SORCS3: variants seen among roughly 807,000 people sequenced by gnomAD.
SORCS3 encodes VPS10 domain-containing receptor SorCS3.
Under a neutral mutation model 146.3 loss-of-function variants are expected in SORCS3, and 57 were observed. That is an observed-to-expected ratio of 0.39 (90% CI 0.31 to 0.49). The LOEUF (loss-of-function observed/expected upper bound fraction) is 0.49. Ranked by LOEUF, SORCS3 falls within the 20% of genes least tolerant of loss-of-function variation. SORCS3 has a pLI of 0.92. For missense variants in SORCS3, 1,341 were observed against 1,575.5 expected (o/e 0.85, Z 2.52); for synonymous variants, 653 against 618.5 (o/e 1.06, Z -0.83).
chr10:105,258,076 C>T (rs779442454), intron 25 of SORCS3, among the ~76,000 whole-genome samples: 14 of 152,132 alleles, frequency 9.2e-5, no homozygotes, highest in Non-Finnish European at 1.8e-4. Context: ...TCCTGCTTAT[C>T]TCTCCTTTAG....
intron 5 of SORCS3, among the ~76,000 whole-genome samples, chr10:105,084,574 T>TA (rs752053286): frequency 2.2e-4 from 34 of 152,198 alleles, no homozygotes; most frequent in Non-Finnish European, 4.7e-4. Flanking sequence ...GGTGAGTTGT[T>TA]ATGGTTCTAA....
At chr10:105,194,764 C>T (rs1277231530) in intron 14 of SORCS3, among the ~76,000 whole-genome samples, 1 of 152,142 alleles carries the variant, frequency 6.6e-6, no homozygotes, top group Admixed American at 6.6e-5. Context: ...ACCAAAGATA[C>T]AGGAAATTTC....
chr10:105,116,967 G>T (rs1049196691), intron 7 of SORCS3, among the ~76,000 whole-genome samples: 21 of 151,730 alleles, frequency 1.4e-4, no homozygotes, highest in Admixed American at 2.6e-4. Context: ...AAAATAATCT[G>T]TACACCAAAT....
chr10:105,130,798 C>T (rs2056013160), intron 7 of SORCS3, among the ~76,000 whole-genome samples: 1 of 152,104 alleles, frequency 6.6e-6, no homozygotes, highest in African/African-American at 2.4e-5. Context: ...ATTGCAGAGC[C>T]TCAAGGACAT....
At chr10:104,911,622 A>C (rs2133597155) in intron 2 of SORCS3, among the ~76,000 whole-genome samples, 1 of 152,342 alleles carries the variant, frequency 6.6e-6, no homozygotes, top group South Asian at 2.1e-4. Context: ...AAAACAACTT[A>C]GCATTGTGTT....
intron 2 of SORCS3, among the ~76,000 whole-genome samples, chr10:104,895,707 C>G (rs546316845): frequency 3.9e-5 from 6 of 152,326 alleles, no homozygotes; most frequent in African/African-American, 1.4e-4. Flanking sequence ...AGGGCTCCCT[C>G]TGCTCCCTGA....
chr10:104,812,093 G>T (rs1181638493), intron 1 of SORCS3, among the ~76,000 whole-genome samples: 1 of 152,188 alleles, frequency 6.6e-6, no homozygotes, highest in Non-Finnish European at 1.5e-5. Context: ...CACCCTGAAA[G>T]GATCCAGATG....
intron 4 of SORCS3, among the ~76,000 whole-genome samples, chr10:104,995,695 C>T (rs1418074353): frequency 6.6e-6 from 1 of 152,066 alleles, no homozygotes; most frequent in Non-Finnish European, 1.5e-5. Context: ...GTGCTTTCTC[C>T]CATGTCATAG....
intron 1 of SORCS3, among the ~76,000 whole-genome samples, chr10:104,722,575 C>T (rs1401404658): frequency 6.6e-6 from 1 of 152,194 alleles, no homozygotes; most frequent in Non-Finnish European, 1.5e-5. Context: ...CCTTGTACCT[C>T]TGGTAGAATT....
chr10:104,652,364 T>G (rs1276309820), intron 1 of SORCS3, among the ~76,000 whole-genome samples: 1 of 152,190 alleles, frequency 6.6e-6, no homozygotes, highest in South Asian at 2.1e-4. Context: ...GATGTGATAT[T>G]AGGTCAGTCA....
intron 14 of SORCS3, 36 bp from the exon 15 acceptor site, chr10:105,199,963 C>T (rs748592405): frequency 1.1e-5 from 16 of 1,482,776 alleles, no homozygotes; most frequent in Non-Finnish European, 1.4e-5. Context: ...GGGACTTTCT[C>T]CCCTTGTGTC....
intron 2 of SORCS3, among the ~76,000 whole-genome samples, chr10:104,857,697 T>C (rs1275640567): frequency 6.6e-5 from 10 of 151,566 alleles, no homozygotes; most frequent in Non-Finnish European, 8.8e-5. Context: ...TGGGGTTAGA[T>C]GTGCTGACTG....
intron 4 of SORCS3, among the ~76,000 whole-genome samples, chr10:104,995,170 T>C (rs2055017602): frequency 1.3e-5 from 2 of 150,830 alleles, no homozygotes; most frequent in African/African-American, 4.9e-5. Context: ...TTCTCTTTTT[T>C]TTTTTTTGGG....
chr10:104,683,386 A>G (rs2016003170), intron 1 of SORCS3, among the ~76,000 whole-genome samples: 1 of 152,204 alleles, frequency 6.6e-6, no homozygotes, highest in Admixed American at 6.5e-5. Context: ...ATGAATCCTC[A>G]CTGCCCACTT....
intron 2 of SORCS3, among the ~76,000 whole-genome samples, chr10:104,874,403 C>G (rs1326187244): frequency 2.0e-5 from 3 of 152,100 alleles, no homozygotes; most frequent in Non-Finnish European, 4.4e-5. Context: ...AAGAGCTATT[C>G]TTACTGTTAT....
chr10:104,805,335 G>A (rs554889582), intron 1 of SORCS3, among the ~76,000 whole-genome samples: 2 of 152,040 alleles, frequency 1.3e-5, no homozygotes, highest in South Asian at 2.1e-4. Flanking sequence ...ATTTTGAGAG[G>A]GTGACTGAAA....
chr10:105,185,382 C>T (rs930790003), intron 14 of SORCS3, among the ~76,000 whole-genome samples: 1 of 152,188 alleles, frequency 6.6e-6, no homozygotes. Context: ...TGTAGTCCAA[C>T]ATTCTCCTGA....
At chr10:105,066,617 C>A (rs2055524450) in intron 5 of SORCS3, among the ~76,000 whole-genome samples, 2 of 152,146 alleles carry the variant, frequency 1.3e-5, no homozygotes. Flanking sequence ...TCATGTCATT[C>A]TGGAAGAAAG....
intron 1 of SORCS3, among the ~76,000 whole-genome samples, chr10:104,767,308 A>G (rs1321580028): frequency 1.3e-5 from 2 of 152,196 alleles, no homozygotes; most frequent in Non-Finnish European, 2.9e-5. Context: ...GGAAAAAATG[A>G]CCTTCTCAAG....
Sources: gnomAD v4.1 joint callset for allele counts (sites outside exome capture counted in the v4.1 genomes callset) on GRCh38, gnomAD v4.1.1 for gene constraint, MANE v1.5 for transcripts, NCBI Gene and HGNC (gene_info 2026-07-23, HGNC 2026-07-21) for gene names.